The following OXR1 variants were observed in gnomAD, a reference collection of about 807,000 sequenced individuals.
OXR1 encodes oxidation resistance 1.
A neutral mutation model predicts 104.6 loss-of-function variants in OXR1; 41 were observed. The observed-to-expected ratio is 0.39, with a 90% CI of 0.31 to 0.51. The LOEUF (loss-of-function observed/expected upper bound fraction) is 0.51, where lower values mean the gene tolerates loss of function less well. OXR1 is among the 20% of genes least tolerant of loss of function. OXR1 has a pLI of 0.77. For synonymous variants in OXR1, 348 were observed against 348.4 expected (o/e 1.00, Z 0.01); for missense variants, 955 against 1,031.9 (o/e 0.93, Z 1.02).
chr8:106,602,447 A>T (rs1264851359), intron 3 of OXR1, among the ~76,000 whole-genome samples: 1 of 152,168 alleles, frequency 6.6e-6, no homozygotes, highest in East Asian at 1.9e-4. Context: ...GCTAGCTGAT[A>T]AATACAGTTT....
At chr8:106,498,644 T>A (rs1811569929) in intron 2 of OXR1, among the ~76,000 whole-genome samples, 1 of 152,062 alleles carries the variant, frequency 6.6e-6, no homozygotes, top group Admixed American at 6.6e-5. Context: ...TGTGTGTGAG[T>A]GTGTGTGTGA....
intron 2 of OXR1, among the ~76,000 whole-genome samples, chr8:106,507,786 G>A (rs1812269065): frequency 6.6e-6 from 1 of 152,172 alleles, no homozygotes; most frequent in Non-Finnish European, 1.5e-5. Flanking sequence ...GAGTGTAGGA[G>A]GAAGTTTTTC....
rs191087951 is a variant in OXR1 at position 106,371,195 on chromosome 8, G to A, written c.23+11559G>A. ...TTTTCTAGTTTGTTTGCATAGAGGT[G>A]TTTATAGTATTCTCTGATAGTAATT... On this transcript the variant is annotated intron_variant, in intron 2 of 16. Transcript: ENST00000517566. Among the ~76,000 whole-genome samples, 653 of 152,208 alleles carry A rather than the reference G, an allele frequency of 4.3e-3. 2 individuals carry two copies. The highest frequency in any genetic ancestry group is 9.2e-3 in the Admixed American group (140 of 15,284).
chr8:106,477,145 G>A (rs983053794), intron 2 of OXR1, among the ~76,000 whole-genome samples: 2 of 151,956 alleles, frequency 1.3e-5, no homozygotes, highest in African/African-American at 4.8e-5. Context: ...GAGCACTTCA[G>A]CATCACTAAT....
chr8:106,608,692 T>C (rs1820586715), intron 3 of OXR1, among the ~76,000 whole-genome samples: 1 of 152,212 alleles, frequency 6.6e-6, no homozygotes, highest in African/African-American at 2.4e-5. Flanking sequence ...CAACTCTCAG[T>C]ACCCAGTGAC....
intron 1 of OXR1, among the ~76,000 whole-genome samples, chr8:106,332,579 C>A (rs1045312125): frequency 6.6e-6 from 1 of 152,164 alleles, no homozygotes; most frequent in East Asian, 1.9e-4. Context: ...TTTGGCTATA[C>A]ATTAATTCTT....
rs1460399728 is a variant in OXR1, at chr8:106,304,222, A to C, written c.-139+33855A>C. On this transcript the variant is annotated intron_variant, in intron 1 of 16. Coordinates refer to ENST00000517566, the MANE Select transcript of OXR1 (RefSeq NM_001198533.2). Reference sequence around the variant, plus strand: ...TCCTAAATATTTATTTATTTTTTTAAAGGCAAACTGGATTCTTTCTTTTGC... The same window carrying C: ...TCCTAAATATTTATTTATTTTTTTACAGGCAAACTGGATTCTTTCTTTTGC... Among the ~76,000 whole-genome samples, 4 of 152,168 alleles carry C rather than the reference A, an allele frequency of 2.6e-5. No homozygotes were observed. The East Asian group carries it at 7.7e-4, about 29-fold the overall frequency.
intron 3 of OXR1, among the ~76,000 whole-genome samples, chr8:106,528,580 G>T (rs1813861405): frequency 6.6e-6 from 1 of 152,128 alleles, no homozygotes; most frequent in South Asian, 2.1e-4. Flanking sequence ...GAAGAGAAAA[G>T]CAAGACACAT....
chr8:106,506,571 G>T (rs1272787853), intron 2 of OXR1, among the ~76,000 whole-genome samples: 1 of 151,956 alleles, frequency 6.6e-6, no homozygotes, highest in Admixed American at 6.6e-5. Flanking sequence ...CTATCACGCC[G>T]CAGCCCTCCA....
chr8:106,465,448 T>C (rs1368375256), intron 2 of OXR1, among the ~76,000 whole-genome samples: 1 of 152,002 alleles, frequency 6.6e-6, no homozygotes, highest in Non-Finnish European at 1.5e-5. Context: ...CTAGAGGTAC[T>C]GAACAGAAGA....
chr8:106,381,770 G>GA (rs1392243048), intron 2 of OXR1, among the ~76,000 whole-genome samples: 1 of 152,096 alleles, frequency 6.6e-6, no homozygotes, highest in Non-Finnish European at 1.5e-5. Flanking sequence ...CTGTATTGCT[G>GA]AGTTATTTTT....
chr8:106,357,527 T>C (rs1816023603), intron 1 of OXR1, among the ~76,000 whole-genome samples: 1 of 152,150 alleles, frequency 6.6e-6, no homozygotes, highest in African/African-American at 2.4e-5. Flanking sequence ...GTTCTTGCTT[T>C]ATTCCTTGAT....
intron 1 of OXR1, among the ~76,000 whole-genome samples, chr8:106,349,779 T>C (rs1232165323): frequency 6.6e-6 from 1 of 152,122 alleles, no homozygotes. Flanking sequence ...GGGATGGGTA[T>C]AGCAGGCAAA....
At chr8:106,383,099 C>G (rs1158822535) in intron 2 of OXR1, among the ~76,000 whole-genome samples, 2 of 152,044 alleles carry the variant, frequency 1.3e-5, no homozygotes, top group African/African-American at 4.8e-5. Context: ...AGAGCACATT[C>G]ATTTCATTTC....
chr8:106,337,848 G>A (rs1374841478), intron 1 of OXR1, among the ~76,000 whole-genome samples: 1 of 152,036 alleles, frequency 6.6e-6, no homozygotes, highest in Non-Finnish European at 1.5e-5. Flanking sequence ...AGCACTATCA[G>A]GACAATTTTT....
chr8:106,602,985 A>G (rs1433799987), intron 3 of OXR1, among the ~76,000 whole-genome samples: 4 of 152,262 alleles, frequency 2.6e-5, no homozygotes, highest in South Asian at 4.1e-4. Context: ...ATTCCTCATA[A>G]TGGTATATAA....
At chr8:106,464,009 T>C (rs1047709023) in intron 2 of OXR1, among the ~76,000 whole-genome samples, 1 of 151,902 alleles carries the variant, frequency 6.6e-6, no homozygotes, top group Non-Finnish European at 1.5e-5. Context: ...AGTTATAGGG[T>C]CTCATCTATT....
intron 3 of OXR1, among the ~76,000 whole-genome samples, chr8:106,610,174 C>A (rs545493396): frequency 4.7e-5 from 7 of 149,600 alleles, no homozygotes; most frequent in African/African-American, 4.9e-5. Context: ...AAACTAGATT[C>A]TTTCCTCTCC....
At chr8:106,572,664 A>G (rs1295619996) in intron 3 of OXR1, among the ~76,000 whole-genome samples, 2 of 152,172 alleles carry the variant, frequency 1.3e-5, no homozygotes, top group Non-Finnish European at 2.9e-5. Flanking sequence ...TTGCTTCTAC[A>G]TGACAAAAAC....
Sources: gnomAD v4.1 joint callset for allele counts (sites outside exome capture counted in the v4.1 genomes callset) on GRCh38, gnomAD v4.1.1 for gene constraint, MANE v1.5 for transcripts, NCBI Gene and HGNC (gene_info 2026-07-23, HGNC 2026-07-21) for gene names.